DCLRE1C: variants seen among roughly 807,000 people sequenced by gnomAD.
The protein encoded by DCLRE1C is DNA cross-link repair 1C.
Under a neutral mutation model 61.4 loss-of-function variants are expected in DCLRE1C, and 47 were observed. The observed-to-expected ratio is 0.77, with a 90% CI of 0.61 to 0.98. DCLRE1C has a LOEUF of 0.98. Ranked by LOEUF, DCLRE1C falls within the 50% of genes least tolerant of loss-of-function variation. The pLI is 0.00. For missense variants in DCLRE1C, 858 were observed against 816.0 expected (o/e 1.05, Z -0.63); for synonymous variants, 337 against 287.6 (o/e 1.17, Z -1.74).
chr10:14,914,852 A>G (rs890961722), intron 13 of DCLRE1C, among the ~76,000 whole-genome samples: 14 of 152,162 alleles, frequency 9.2e-5, no homozygotes, highest in African/African-American at 3.1e-4. Context: ...ACACAGGAGA[A>G]TCACTTGAAC....
At position 14,919,966 on chromosome 10, in the gene DCLRE1C, C is replaced by T; in HGVS notation, c.1062-134G>A. 5.5e-6 allele frequency: 4 copies of T among 732,724 alleles called. No homozygotes were observed. The South Asian group carries it at 6.1e-5, about 11-fold the overall frequency. 45.4% of individuals were successfully genotyped at this position (732,724 alleles called of 1,614,324 possible). On this transcript the variant is annotated intron_variant, in intron 12 of 13. Coordinates refer to ENST00000378278, the MANE Select transcript of DCLRE1C (RefSeq NM_001033855.3). ...TCCCTGTTTTTAACAAAATCTTGAC[C>T]ATAAGGGAAATCACACAACTACTTT...
At position 14,923,020 on chromosome 10, in the gene DCLRE1C, A is replaced by G; in HGVS notation, c.1022T>C (p.Val341Ala). 6.2e-7 allele frequency: 1 copy of G among 1,614,214 alleles called. No homozygotes were observed. Among genetic ancestry groups the G allele is most frequent in the Non-Finnish European group, 8.5e-7 (1 of 1,180,004 alleles). ...YLCPVNAYPN[V>A]IPVGTTMDKV... ...ATCCATAGTTGTGCCAACTGGAATG[A>G]CATTTGGATATGCGTTCACAGGACA... Residue 341 changes from valine (V) to alanine (A), a missense_variant, in exon 12 of 14, where the codon GTC becomes GCC. Coordinates refer to ENST00000378278, the MANE Select transcript of DCLRE1C (RefSeq NM_001033855.3).
At chr10:14,939,317 G>A (rs868204872) in intron 4 of DCLRE1C, among the ~76,000 whole-genome samples, 50 of 152,070 alleles carry the variant, frequency 3.3e-4, no homozygotes, top group African/African-American at 9.4e-4. Context: ...GGTGGCAGGC[G>A]CCTGTAATCC....
chr10:14,952,769 G>T (rs879598255), intron 1 of DCLRE1C, among the ~76,000 whole-genome samples: 1 of 152,094 alleles, frequency 6.6e-6, no homozygotes, highest in Non-Finnish European at 1.5e-5. Context: ...ATACGGCAAC[G>T]CACGAGAAGA....
chr10:14,913,143 A>G (rs1835565914), intron 13 of DCLRE1C, among the ~76,000 whole-genome samples: 1 of 152,288 alleles, frequency 6.6e-6, no homozygotes, highest in African/African-American at 2.4e-5. Context: ...GGCGCGAGCC[A>G]CTGTGCCTGG....
chr10:14,909,642 C>T lies in DCLRE1C; in HGVS notation c.1157-312G>A, dbSNP rs2131784333. 2.0e-5 allele frequency among the ~76,000 whole-genome samples: 3 copies of T among 151,854 alleles called. No homozygotes were observed. In the East Asian group the frequency reaches 5.8e-4, roughly 29 times the overall value. ...AAAAACAGGTTTCTGTATCTCATTC[C>T]AGACCTACTGAATCCCTGAGGAAGA... On this transcript the variant is annotated intron_variant, in intron 13 of 13. Coordinates refer to ENST00000378278, the MANE Select transcript of DCLRE1C (RefSeq NM_001033855.3).
intron 13 of DCLRE1C, among the ~76,000 whole-genome samples, chr10:14,910,182 C>T (rs148620467): frequency 4.6e-5 from 7 of 152,222 alleles, no homozygotes; most frequent in African/African-American, 7.2e-5. Flanking sequence ...CCATGTTCCC[C>T]GTGTGAAGCT....
chr10:14,945,382 A>G (rs1841518368), intron 2 of DCLRE1C, 193 bp from the exon 3 acceptor site: 2 of 1,322,082 alleles, frequency 1.5e-6, no homozygotes, highest in Admixed American at 3.3e-5. Context: ...CATACATCTA[A>G]TAATTCAGAA....
rs552286467 is a variant in DCLRE1C, at chr10:14,927,401, A to AAGGG, written c.918-508_918-505dup. 6.4e-3 allele frequency among the ~76,000 whole-genome samples: 894 copies of AAGGG among 139,180 alleles called. 14 individuals are homozygous for AAGGG. The highest frequency in any genetic ancestry group is 0.021 in the African/African-American group (811 of 38,424). The allele number at this position is 139,180 out of a possible 152,430, so 91.3% of individuals were successfully genotyped here. ...TTCTTTCTCCACACAAAAAAAAAAG[A>AAGGG]AGGGAGGGAGGGAGGGAGGGACCTC... On this transcript the variant is annotated intron_variant, in intron 10 of 13. Coordinates refer to ENST00000378278, the MANE Select transcript of DCLRE1C (RefSeq NM_001033855.3).
At chr10:14,918,508 TA>T (rs1248945849) in intron 13 of DCLRE1C, among the ~76,000 whole-genome samples, 1 of 152,156 alleles carries the variant, frequency 6.6e-6, no homozygotes, top group Non-Finnish European at 1.5e-5. Context: ...TTGAAGGTGA[TA>T]ATTTCAGTAT....
At chr10:14,944,927 G>A (rs1208405696) in intron 3 of DCLRE1C, among the ~76,000 whole-genome samples, 178 bp downstream of exon 3, 1 of 151,896 alleles carries the variant, frequency 6.6e-6, no homozygotes, top group African/African-American at 2.4e-5. Flanking sequence ...CATCCGCCAA[G>A]GCCTCCCAAA....
At position 14,904,782 on chromosome 10, in the gene DCLRE1C, A is replaced by G. The variant is rs1416212585; in HGVS notation, c.*3626T>C. On this transcript the variant is annotated 3_prime_UTR_variant, in exon 14 of 14. Transcript: ENST00000378278. The stretch of plus-strand genomic sequence containing the variant: ...TAAGTCAACATTTAGCTTATCCATC[A>G]TATTGGTTTCCTGAAGATGTCAGAA... Among the ~76,000 whole-genome samples the G allele has an allele frequency of 6.6e-6, 1 of 152,220 alleles. No individual in the cohort carries two copies.
At chr10:14,924,755 G>C (rs535435455) in intron 11 of DCLRE1C, among the ~76,000 whole-genome samples, 4 of 152,038 alleles carry the variant, frequency 2.6e-5, no homozygotes, top group Admixed American at 6.6e-5. Context: ...GTTGAGGCAG[G>C]AGAATGGTGT....
intron 4 of DCLRE1C, among the ~76,000 whole-genome samples, chr10:14,937,004 GGAT>G (rs1205045007): frequency 4.6e-5 from 7 of 152,186 alleles, no homozygotes; most frequent in Non-Finnish European, 8.8e-5. Context: ...GCTGCAACAT[GGAT>G]GATCCTTGAA....
In DCLRE1C at chr10:14,907,463, C is replaced by T. The variant is rs1834508210; in HGVS notation, c.*945G>A. Reference sequence around the variant, plus strand: ...TATGATTTTCAGTTCTATATTCTTACTGATTAATGTGTATATACTAGTTCT... The same window carrying T: ...TATGATTTTCAGTTCTATATTCTTATTGATTAATGTGTATATACTAGTTCT... On this transcript the variant is annotated 3_prime_UTR_variant, in exon 14 of 14. Transcript: ENST00000378278. Among the ~76,000 whole-genome samples, 1 of 151,904 alleles carries T rather than the reference C, an allele frequency of 6.6e-6. No homozygotes were observed. Among genetic ancestry groups the T allele is most frequent in the African/African-American group, 2.4e-5 (1 of 41,348 alleles).
intron 9 of DCLRE1C, 28 bp downstream of exon 9, chr10:14,932,826 A>G (rs1192898337): frequency 2.5e-6 from 4 of 1,610,624 alleles, no homozygotes; most frequent in Non-Finnish European, 3.4e-6. Context: ...TACACAAACA[A>G]TACGAGAGGA....
intron 13 of DCLRE1C, among the ~76,000 whole-genome samples, chr10:14,919,515 A>T (rs1320941560): frequency 6.6e-6 from 1 of 152,180 alleles, no homozygotes; most frequent in Non-Finnish European, 1.5e-5. Flanking sequence ...ACACGATGGC[A>T]CCGTTTTCAC....
upstream of DCLRE1C, chr10:14,954,341 G>A (rs886648072): frequency 9.3e-6 from 4 of 428,596 alleles, no homozygotes; most frequent in Admixed American, 6.9e-5. Context: ...GTGCAGTCGC[G>A]GGAAGGGAAA....
rs575451437 is a variant in DCLRE1C at position 14,935,444 on chromosome 10, C to T, written c.464+19G>A. ...AAAAATAAAATAAAATAAAATAAAA[C>T]CTATACGAGGCCCAGTACCTGCCCC... On this transcript the variant is annotated intron_variant, in intron 6 of 13. Transcript: ENST00000378278. 2.6e-5 allele frequency: 42 copies of T among 1,609,790 alleles called. No homozygotes were observed. The South Asian group carries it at 2.8e-4, about 11-fold the overall frequency.
Sources: allele counts gnomAD v4.1 joint callset (sites outside exome capture counted in the v4.1 genomes callset), GRCh38; gene constraint gnomAD v4.1.1; transcripts MANE v1.5; gene names NCBI Gene and HGNC (gene_info 2026-07-23, HGNC 2026-07-21).